DIPK1A: variants seen among roughly 807,000 people sequenced by gnomAD.
DIPK1A encodes the protein family with sequence similarity 69 member A.
In DIPK1A, 27 loss-of-function variants were observed where a neutral mutation model predicts 40.8. That is an observed-to-expected ratio of 0.66 (90% CI 0.49 to 0.91). The LOEUF (loss-of-function observed/expected upper bound fraction) is 0.91. DIPK1A is among the 40% of genes least tolerant of loss of function. The probability of loss-of-function intolerance (pLI) is 0.00; values close to 1 mark genes in which losing one functional copy is unlikely to be tolerated. For synonymous variants in DIPK1A, 166 were observed against 171.3 expected (o/e 0.97, Z 0.24); for missense variants, 412 against 505.7 (o/e 0.81, Z 1.78).
intron 1 of DIPK1A, among the ~76,000 whole-genome samples, chr1:92,906,741 T>TA (rs1410811526): frequency 6.6e-6 from 1 of 152,142 alleles, no homozygotes; most frequent in African/African-American, 2.4e-5. Context: ...GTGTAATACC[T>TA]AGTACTCTTG....
At chr1:92,854,315 GAAAACA>G (rs1211615800) in intron 2 of DIPK1A, among the ~76,000 whole-genome samples, 1 of 152,182 alleles carries the variant, frequency 6.6e-6, no homozygotes, top group Non-Finnish European at 1.5e-5. Flanking sequence ...TAAAAGATAA[GAAAACA>G]GAAACAGAAA....
At chr1:92,862,717 C>T (rs988258726) in intron 2 of DIPK1A, among the ~76,000 whole-genome samples, 1 of 152,174 alleles carries the variant, frequency 6.6e-6, no homozygotes, top group Non-Finnish European at 1.5e-5. Flanking sequence ...AGGTAAAAGG[C>T]GAACTCCTTA....
intron 1 of DIPK1A, among the ~76,000 whole-genome samples, chr1:92,949,279 A>C (rs1651533120): frequency 6.6e-6 from 1 of 151,720 alleles, no homozygotes; most frequent in Non-Finnish European, 1.5e-5. Flanking sequence ...ATTTCAAATA[A>C]TTCTTTTTTT....
downstream of DIPK1A, chr1:92,837,481 T>A: frequency 6.2e-7 from 1 of 1,613,366 alleles, no homozygotes; most frequent in Middle Eastern, 1.8e-4. Flanking sequence ...TGGTTATGAT[T>A]CTGAAAGCAA....
downstream of DIPK1A, chr1:92,837,556 T>C: frequency 1.2e-6 from 2 of 1,612,110 alleles, no homozygotes; most frequent in Non-Finnish European, 1.7e-6. Context: ...TTACATGCGC[T>C]ACTTAATGGA....
chr1:92,916,494 G>A (rs1056330152), intron 1 of DIPK1A, among the ~76,000 whole-genome samples: 1 of 151,762 alleles, frequency 6.6e-6, no homozygotes, highest in Non-Finnish European at 1.5e-5. Flanking sequence ...TAGAGATGTG[G>A]TTTCACCATG....
intron 1 of DIPK1A, among the ~76,000 whole-genome samples, chr1:92,957,436 A>G (rs1571157724): frequency 6.6e-6 from 1 of 152,358 alleles, no homozygotes; most frequent in East Asian, 1.9e-4. Context: ...TGTTTCAACA[A>G]AATATCTGGA....
At chr1:92,939,876 C>T (rs146844050) in intron 1 of DIPK1A, among the ~76,000 whole-genome samples, 55 of 151,724 alleles carry the variant, frequency 3.6e-4, no homozygotes, top group African/African-American at 1.0e-3. Flanking sequence ...CACTTGAACC[C>T]GGGAGGAAGA....
rs1295667145 is a variant in DIPK1A, at chr1:92,842,603, C to T, written c.*780G>A. On this transcript the variant is annotated 3_prime_UTR_variant, in exon 5 of 5. Coordinates refer to ENST00000370310, the MANE Select transcript of DIPK1A (RefSeq NM_001006605.5). ...AAAGTCTGCTATAATTTATTTTAGT[C>T]TTGCACTTACAGTCCCACTTTCACA... is the stretch of plus-strand genomic sequence containing the variant. The T allele has an allele frequency of 1.1e-6, 1 of 927,398 alleles. No homozygotes were observed. The highest frequency in any genetic ancestry group is 1.2e-6 in the Non-Finnish European group (1 of 802,794). The allele number at this position is 927,398 out of a possible 1,614,324, so 57.4% of individuals were successfully genotyped here. A position where few individuals can be genotyped will look rare whatever the true frequency, so the allele number is the denominator to read the frequency against.
At chr1:92,910,718 T>C (rs1649796463) in intron 1 of DIPK1A, among the ~76,000 whole-genome samples, 1 of 152,200 alleles carries the variant, frequency 6.6e-6, no homozygotes, top group Non-Finnish European at 1.5e-5. Context: ...TGCAATGATA[T>C]GCAGCTGTAA....
At chr1:92,896,166 T>C (rs1482294554) in intron 1 of DIPK1A, among the ~76,000 whole-genome samples, 1 of 152,120 alleles carries the variant, frequency 6.6e-6, no homozygotes, top group African/African-American at 2.4e-5. Context: ...TTAAAGTTCA[T>C]ATGGAACCAA....
At chr1:92,868,046 G>A (rs1647647772) in intron 2 of DIPK1A, among the ~76,000 whole-genome samples, 1 of 152,178 alleles carries the variant, frequency 6.6e-6, no homozygotes, top group African/African-American at 2.4e-5. Context: ...ATCAATCAGT[G>A]TTAGATTATC....
At chr1:92,880,920 G>A (rs1023268518) in intron 1 of DIPK1A, among the ~76,000 whole-genome samples, 4 of 150,764 alleles carry the variant, frequency 2.7e-5, no homozygotes, top group South Asian at 2.1e-4. Context: ...GGCGGGGCGC[G>A]GTGGCTCACG....
chr1:92,918,065 T>C (rs866891343), intron 1 of DIPK1A, among the ~76,000 whole-genome samples: 3 of 152,172 alleles, frequency 2.0e-5, no homozygotes, highest in South Asian at 2.1e-4. Flanking sequence ...AGAAAATAAA[T>C]GTATTTATTA....
At chr1:92,932,033 A>C (rs1650768930) in intron 1 of DIPK1A, 1 of 544,358 alleles carries the variant, frequency 1.8e-6, no homozygotes, top group African/African-American at 2.0e-5. Flanking sequence ...TTTGGGTTTG[A>C]AGAAAATAAA....
chr1:92,946,180 T>G (rs1651354936), intron 1 of DIPK1A, among the ~76,000 whole-genome samples: 1 of 152,106 alleles, frequency 6.6e-6, no homozygotes, highest in African/African-American at 2.4e-5. Flanking sequence ...AAAAGGAAAA[T>G]AACTATAAGC....
intron 1 of DIPK1A, among the ~76,000 whole-genome samples, chr1:92,907,428 A>T (rs774800357): frequency 6.6e-6 from 1 of 152,052 alleles, no homozygotes; most frequent in Non-Finnish European, 1.5e-5. Flanking sequence ...TCTGTGCTTT[A>T]ATTTTTTTTT....
At chr1:92,886,899 T>C (rs978752534) in intron 1 of DIPK1A, among the ~76,000 whole-genome samples, 3 of 152,034 alleles carry the variant, frequency 2.0e-5, no homozygotes, top group Non-Finnish European at 4.4e-5. Context: ...GCTTTCATGC[T>C]ATAATGGCAG....
chr1:92,886,518 T>A (rs1321900574), intron 1 of DIPK1A, among the ~76,000 whole-genome samples: 1 of 148,616 alleles, frequency 6.7e-6, no homozygotes, highest in South Asian at 2.1e-4. Flanking sequence ...TAAATATCAA[T>A]TTTTTTTTTG....
Sources: gnomAD v4.1 joint callset for allele counts (sites outside exome capture counted in the v4.1 genomes callset) on GRCh38, gnomAD v4.1.1 for gene constraint, MANE v1.5 for transcripts, NCBI Gene and HGNC (gene_info 2026-07-23, HGNC 2026-07-21) for gene names.